KPNA6: variants seen among roughly 807,000 people sequenced by gnomAD.
KPNA6 encodes karyopherin subunit alpha 6.
A neutral mutation model predicts 72.0 loss-of-function variants in KPNA6; 9 were observed. That is an observed-to-expected ratio of 0.13 (90% confidence interval 0.08 to 0.22). The LOEUF is 0.22. KPNA6 is among the 10% of genes least tolerant of loss of function. The pLI, the probability that KPNA6 is intolerant of heterozygous loss-of-function variation, is 1.00. For synonymous variants in KPNA6, 219 were observed against 242.1 expected, an observed-to-expected ratio of 0.90 and a Z score of 0.89; for missense variants, 374 against 655.7, an observed-to-expected ratio of 0.57 and a Z score of 4.69.
chr1:32,135,612 T>C (rs938303367), intron 1 of KPNA6, among the ~76,000 whole-genome samples: 1 of 144,214 alleles, frequency 6.9e-6, no homozygotes, highest in Non-Finnish European at 1.5e-5. Flanking sequence ...GAATCACAGG[T>C]GTGAGCCACC....
intron 1 of KPNA6, among the ~76,000 whole-genome samples, chr1:32,148,591 A>C (rs1291087314): frequency 8.6e-6 from 1 of 116,876 alleles, no homozygotes; most frequent in African/African-American, 3.4e-5. Context: ...TTTGAGAAGG[A>C]GTCTCGCTTT....
Position 32,173,707 on chromosome 1 carries a change from C to T in KPNA6, c.*2813C>T, listed in dbSNP as rs1642478160. 1 of 152,198 alleles carries T rather than the reference C, an allele frequency of 6.6e-6. No individual in the cohort carries two copies. 9.4% of individuals were successfully genotyped at this position (152,198 alleles called of 1,614,324 possible). On this transcript the variant is annotated 3_prime_UTR_variant, in exon 14 of 14. Transcript: ENST00000373625. ...AGGCTTGAGAGCCACTGTTTGTGGA[C>T]AGTCTTCATCTAGATTCCATACCCT...
intron 1 of KPNA6, among the ~76,000 whole-genome samples, chr1:32,135,287 G>A (rs540497354): frequency 1.5e-4 from 23 of 152,210 alleles, no homozygotes; most frequent in African/African-American, 5.5e-4. Context: ...GCCTGGTCTT[G>A]AACTCCCGAC....
chr1:32,129,398 T>G (rs1641597507), intron 1 of KPNA6, among the ~76,000 whole-genome samples: 1 of 152,060 alleles, frequency 6.6e-6, no homozygotes, highest in Non-Finnish European at 1.5e-5. Flanking sequence ...ATTCCTGGGC[T>G]CAAGCAATCT....
chr1:32,128,390 T>TAC lies in KPNA6; in HGVS notation c.4+20257_4+20258insCA. ...ATTTTTTATATTATATATGTATTTA[T>TAC]ATATATATATATATATATATATATA... On this transcript the variant is annotated intron_variant, in intron 1 of 13. Transcript: ENST00000373625. 1.4e-4 allele frequency among the ~76,000 whole-genome samples: 5 copies of TAC among 36,838 alleles called. No homozygotes were observed. The South Asian group carries it at 6.6e-3, about 49-fold the overall frequency. The allele number at this position is 36,838 out of a possible 152,430, so 24.2% of individuals were successfully genotyped here. A position where few individuals can be genotyped will look rare whatever the true frequency, so the allele number is the denominator to read the frequency against.
At chr1:32,129,383 C>T (rs989547014) in intron 1 of KPNA6, among the ~76,000 whole-genome samples, 6 of 151,818 alleles carry the variant, frequency 4.0e-5, no homozygotes, top group African/African-American at 1.5e-4. Context: ...CCAGGCTGGT[C>T]TTGAATTCCT....
Position 32,155,024 on chromosome 1 carries a change from T to C in KPNA6, c.138+303T>C, listed in dbSNP as rs184680060. Among the ~76,000 whole-genome samples, 150 of 147,704 alleles carry C rather than the reference T, an allele frequency of 1.0e-3. 1 individual carries two copies. The highest frequency in any genetic ancestry group is 3.6e-3 in the African/African-American group (145 of 39,912). On this transcript the variant is annotated intron_variant, in intron 2 of 13. Coordinates refer to ENST00000373625, the MANE Select transcript of KPNA6 (RefSeq NM_012316.5). ...TACTTGGGAGGCTGAAGCAGGAGAA[T>C]TGCTTGAACCTGGGAGGCGGAGGTT...
intron 1 of KPNA6, 122 bp downstream of exon 1, chr1:32,108,256 G>C (rs1641179230): frequency 1.4e-6 from 2 of 1,417,386 alleles, no homozygotes. Context: ...AGGTCTGAGG[G>C]GAAAAGTCAG....
At chr1:32,109,102 A>G (rs1641198857) in intron 1 of KPNA6, among the ~76,000 whole-genome samples, 3 of 152,204 alleles carry the variant, frequency 2.0e-5, no homozygotes, top group Non-Finnish European at 2.9e-5. Flanking sequence ...TTAGAGAGGT[A>G]AAGTAACTTA....
chr1:32,161,967 G>A lies in KPNA6; in HGVS notation c.668G>A (p.Arg223Gln), dbSNP rs769694883. Residue 223 changes from arginine (R) to glutamine (Q), a missense_variant, in exon 8 of 14, where the codon CGA (arginine) becomes CAA (glutamine). Physicochemically the swap from Arg to Gln is conservative, Grantham distance 43. Coordinates refer to ENST00000373625, the MANE Select transcript of KPNA6 (RefSeq NM_012316.5). Reference sequence around the variant, plus strand: ...TTCAGACTCCTTACCAAGTCCACACGACTGACGATGACACGGAATGCAGTC... The same window carrying A: ...TTCAGACTCCTTACCAAGTCCACACAACTGACGATGACACGGAATGCAGTC... ...PLLTLLTKST[R>Q]LTMTRNAVWA... 1.2e-6 allele frequency: 2 copies of A among 1,613,996 alleles called. No homozygotes were observed. The highest frequency in any genetic ancestry group is 2.2e-5 in the East Asian group (1 of 44,878).
Position 32,108,102 on chromosome 1 carries a change from G to T in KPNA6, c.-29G>T. On this transcript the variant is annotated 5_prime_UTR_variant, in exon 1 of 14. Coordinates refer to ENST00000373625, the MANE Select transcript of KPNA6 (RefSeq NM_012316.5). Reference sequence around the variant, plus strand: ...CGCTGAAGCTGCCGCCGTTGCCTCCGCCGCCAAGAGTGAGCGAGCGGACCC... The same window carrying T: ...CGCTGAAGCTGCCGCCGTTGCCTCCTCCGCCAAGAGTGAGCGAGCGGACCC... 6.2e-7 allele frequency: 1 copy of T among 1,613,814 alleles called. No individual in the cohort carries two copies. Among genetic ancestry groups the T allele is most frequent in the Non-Finnish European group, 8.5e-7 (1 of 1,179,800 alleles).
At chr1:32,135,943 A>G (rs1040679752) in intron 1 of KPNA6, among the ~76,000 whole-genome samples, 5 of 152,170 alleles carry the variant, frequency 3.3e-5, no homozygotes, top group African/African-American at 1.2e-4. Context: ...AATAAAAATA[A>G]TAGGACTTCT....
intron 1 of KPNA6, among the ~76,000 whole-genome samples, chr1:32,151,359 C>T (rs1642029618): frequency 6.6e-6 from 1 of 152,184 alleles, no homozygotes; most frequent in Admixed American, 6.5e-5. Context: ...TCTCTCAGCC[C>T]TGTGCGAGCT....
chr1:32,167,108 T>C (rs1642353740), intron 11 of KPNA6, 61 bp from the exon 12 acceptor site: 1 of 1,589,740 alleles, frequency 6.3e-7, no homozygotes, highest in Admixed American at 1.7e-5. Flanking sequence ...GGGGACTAGA[T>C]TTATTTATCA....
chr1:32,147,930 T>G (rs538439017), intron 1 of KPNA6, among the ~76,000 whole-genome samples: 1 of 152,144 alleles, frequency 6.6e-6, no homozygotes, highest in Non-Finnish European at 1.5e-5. Flanking sequence ...CCTCCCAGAG[T>G]GCTAGGATTA....
chr1:32,125,882 A>G (rs560782877), intron 1 of KPNA6, among the ~76,000 whole-genome samples: 135 of 149,270 alleles, frequency 9.0e-4, no homozygotes, highest in African/African-American at 3.2e-3. Flanking sequence ...AAAAATATCC[A>G]GTTGAAAATT....
rs949331114 is a variant in KPNA6, at chr1:32,133,717, A to G, written c.5-20871A>G. On this transcript the variant is annotated intron_variant, in intron 1 of 13. Coordinates refer to ENST00000373625, the MANE Select transcript of KPNA6 (RefSeq NM_012316.5). ...AACAAAACAAAAAAGCAAAGTGCTGAAAGAAAAACCGTCAAGCAAGAATTC... is the reference window on the plus strand; with the variant it reads ...AACAAAACAAAAAAGCAAAGTGCTGGAAGAAAAACCGTCAAGCAAGAATTC... Among the ~76,000 whole-genome samples, 11 of 152,172 alleles carry G rather than the reference A, an allele frequency of 7.2e-5. No homozygotes were observed. The South Asian group carries it at 1.2e-3, about 17-fold the overall frequency.
intron 1 of KPNA6, among the ~76,000 whole-genome samples, chr1:32,149,221 T>A (rs141530859): frequency 6.6e-6 from 1 of 152,184 alleles, no homozygotes; most frequent in African/African-American, 2.4e-5. Flanking sequence ...TTTTTATAAT[T>A]TCTTTCTTTT....
chr1:32,152,776 C>T (rs558781276), intron 1 of KPNA6, among the ~76,000 whole-genome samples: 53 of 151,820 alleles, frequency 3.5e-4, no homozygotes, highest in Non-Finnish European at 2.1e-4. Flanking sequence ...ACCCAGGAGG[C>T]GGAGCTTGCA....
Sources: gnomAD v4.1 joint callset for allele counts (sites outside exome capture counted in the v4.1 genomes callset) on GRCh38, gnomAD v4.1.1 for gene constraint, MANE v1.5 for transcripts, NCBI Gene and HGNC (gene_info 2026-07-23, HGNC 2026-07-21) for gene names.